Variants in PCDHGA4 observed in about 807,000 individuals in gnomAD.
The protein encoded by PCDHGA4 is protocadherin gamma-A4.
PCDHGA4 carries 38 observed loss-of-function variants against 54.6 expected under a neutral mutation model. The observed-to-expected ratio is 0.70, with a 90% CI of 0.54 to 0.91. PCDHGA4 has a LOEUF of 0.91. Among genes scored for constraint, PCDHGA4 ranks in the 40% least tolerant of loss-of-function variants. The pLI is 0.00. For synonymous variants in PCDHGA4, 511 were observed against 512.9 expected, an observed-to-expected ratio of 1.00 and a Z score of 0.05; for missense variants, 1,298 against 1,220.9, an observed-to-expected ratio of 1.06 and a Z score of -0.94.
At chr5:141,417,452 C>A in intron 1 of PCDHGA4, 1 of 173,536 alleles carries the variant, frequency 5.8e-6, no homozygotes, top group Non-Finnish European at 1.2e-5. Flanking sequence ...ATAGTTATGA[C>A]CAAGTGGAAA....
intron 1 of PCDHGA4, among the ~76,000 whole-genome samples, chr5:141,467,304 C>T (rs567912553): frequency 2.0e-5 from 3 of 152,266 alleles, no homozygotes; most frequent in Admixed American, 6.5e-5. Flanking sequence ...CCACTCACCT[C>T]GGCCTCCCAC....
intron 1 of PCDHGA4, chr5:141,413,395 G>C: frequency 6.2e-7 from 1 of 1,614,050 alleles, no homozygotes; most frequent in Non-Finnish European, 8.5e-7. Context: ...AGTCTCCAGA[G>C]GTAGGACGCA....
At chr5:141,492,448 G>T (rs2734874) in intron 1 of PCDHGA4, among the ~76,000 whole-genome samples, 50 of 152,334 alleles carry the variant, frequency 3.3e-4, no homozygotes, top group African/African-American at 1.2e-3. Context: ...GTAGCTGATT[G>T]TGCGCGCCTG....
chr5:141,357,613 A>G lies in PCDHGA4; in HGVS notation c.2506A>G (p.Asn836Asp). The change falls in exon 1 of 4, where the codon AAT becomes GAT. Residue 836 changes from asparagine to aspartate, a missense_variant. Coordinates refer to ENST00000571252, the MANE Select transcript of PCDHGA4 (RefSeq NM_018917.4). ...TTTACTTGAAACAAAAGGAGACCCTAATCTTCAGGTGAGTCAATCTTATAA... is the reference window on the plus strand; with the variant it reads ...TTTACTTGAAACAAAAGGAGACCCTGATCTTCAGGTGAGTCAATCTTATAA... ...QDLLETKGDPNLQQAPPNTDW... is the reference protein window; with the variant it reads ...QDLLETKGDPDLQQAPPNTDW... 6.2e-7 allele frequency: 1 copy of G among 1,613,940 alleles called. No homozygotes were observed. The highest frequency in any genetic ancestry group is 8.5e-7 in the Non-Finnish European group (1 of 1,179,858).
At chr5:141,400,189 C>G (rs376855933) in intron 1 of PCDHGA4, 2 of 1,614,056 alleles carry the variant, frequency 1.2e-6, no homozygotes, top group Non-Finnish European at 1.7e-6. Flanking sequence ...GCAGTTTTAC[C>G]TAGTGGTGGC....
chr5:141,478,617 G>A (rs1010415342), intron 1 of PCDHGA4: 1 of 1,556,398 alleles, frequency 6.4e-7, no homozygotes, highest in Non-Finnish European at 8.7e-7. Context: ...AGGAAGGAAT[G>A]GAGCTGTTTT....
In PCDHGA4 at chr5:141,360,072, C is replaced by A; in HGVS notation, c.2514+2451C>A. ...AAAAGCAGGAAAAGTGACCTTAGCC[C>A]GGATTCTGCCATCCCCGGAAGGCTT... On this transcript the variant is annotated intron_variant, in intron 1 of 3. Coordinates refer to ENST00000571252, the MANE Select transcript of PCDHGA4 (RefSeq NM_018917.4). 4.8e-6 allele frequency: 7 copies of A among 1,473,480 alleles called. No homozygotes were observed. In the South Asian group the frequency reaches 1.0e-4, roughly 21 times the overall value. 91.3% of individuals were successfully genotyped at this position (1,473,480 alleles called of 1,614,324 possible). A position where few individuals can be genotyped will look rare whatever the true frequency, so the allele number is the denominator to read the frequency against.
chr5:141,393,088 G>C (rs760420305), intron 1 of PCDHGA4: 4 of 1,613,648 alleles, frequency 2.5e-6, no homozygotes, highest in South Asian at 1.1e-5. Context: ...AGGATAGATC[G>C]GGAGGAGCTC....
In PCDHGA4 at chr5:141,355,391, T is replaced by C. The variant is rs537544095; in HGVS notation, c.284T>C (p.Val95Ala). ...LAPRELAERG[V>A]RIVSRGRTQL... The stretch of plus-strand genomic sequence containing the variant: ...CCCCGGGAGCTGGCGGAGCGCGGAG[T>C]CCGCATCGTCTCCAGAGGTAGGACG... The change falls in exon 1 of 4, where the codon GTC (valine) becomes GCC (alanine). Residue 95 changes from valine (V) to alanine (A), a missense_variant. Physicochemically the swap from Val to Ala is moderately conservative, Grantham distance 64. Coordinates refer to ENST00000571252, the MANE Select transcript of PCDHGA4 (RefSeq NM_018917.4). 4 of 1,613,888 alleles carry C rather than the reference T, an allele frequency of 2.5e-6. No individual in the cohort carries two copies. In the Admixed American group the frequency reaches 6.7e-5, roughly 27 times the overall value.
intron 1 of PCDHGA4, among the ~76,000 whole-genome samples, chr5:141,460,703 G>A (rs1009662968): frequency 6.6e-6 from 1 of 151,534 alleles, no homozygotes; most frequent in Non-Finnish European, 1.5e-5. Flanking sequence ...AGTTGAATGA[G>A]AATAAACTAT....
Position 141,355,123 on chromosome 5 carries a change from G to A in PCDHGA4, c.16G>A (p.Asp6Asn), listed in dbSNP as rs1759719890. The change falls in exon 1 of 4, where the codon GAC becomes AAC. Residue 6 changes from aspartate (D) to asparagine (N), a missense_variant. Transcript: ENST00000571252. ...CTGGCTGTGAATGCACTTTATTTTG[G>A]ACCCAGAAGATCCTGGGGCTCCTCA... MHFIL[D>N]PEDPGAPQAS... 1 of 1,515,214 alleles carries A rather than the reference G, an allele frequency of 6.6e-7. No individual in the cohort carries two copies. The highest frequency in any genetic ancestry group is 1.4e-5 in the African/African-American group (1 of 71,696). The allele number at this position is 1,515,214 out of a possible 1,614,324, so 93.9% of individuals were successfully genotyped here. A position where few individuals can be genotyped will look rare whatever the true frequency, so the allele number is the denominator to read the frequency against.
chr5:141,389,118 C>A (rs2091610213), intron 1 of PCDHGA4: 1 of 1,613,888 alleles, frequency 6.2e-7, no homozygotes, highest in Admixed American at 1.7e-5. Context: ...AGACCGCGAG[C>A]AGAATCCAGA....
intron 1 of PCDHGA4, chr5:141,364,513 G>A (rs1027493241): frequency 3.1e-6 from 5 of 1,613,934 alleles, no homozygotes; most frequent in South Asian, 1.1e-5. Context: ...AGCTGGCGGA[G>A]CGCGGAGTCC....
intron 1 of PCDHGA4, chr5:141,419,344 C>T (rs2096363174): frequency 1.9e-6 from 3 of 1,613,732 alleles, no homozygotes; most frequent in Non-Finnish European, 2.5e-6. Flanking sequence ...TTGCCAGCGA[C>T]CTGGAGTCAC....
intron 1 of PCDHGA4, chr5:141,374,345 G>A (rs1221134827): frequency 8.1e-6 from 13 of 1,614,018 alleles, no homozygotes; most frequent in Non-Finnish European, 1.1e-5. Flanking sequence ...GGTCACCGCG[G>A]GTAGGATAGA....
intron 1 of PCDHGA4, among the ~76,000 whole-genome samples, chr5:141,483,875 AT>A (rs2154580008): frequency 6.6e-6 from 1 of 151,964 alleles, no homozygotes; most frequent in Admixed American, 6.6e-5. Context: ...ATCAGGATGG[AT>A]TTTTCTATTT....
intron 1 of PCDHGA4, among the ~76,000 whole-genome samples, chr5:141,453,288 ATTAT>A (rs577328880): frequency 4.0e-5 from 6 of 151,342 alleles, no homozygotes; most frequent in Admixed American, 1.3e-4. Context: ...TAATTTTTTA[ATTAT>A]TTATTTATTT....
chr5:141,430,761 T>G, intron 1 of PCDHGA4: 5 of 1,506,132 alleles, frequency 3.3e-6, no homozygotes, highest in Non-Finnish European at 3.5e-6. Context: ...AAGATAAGAA[T>G]GATTCCTGCG....
At chr5:141,494,514 G>T (rs1457018569) in intron 1 of PCDHGA4, among the ~76,000 whole-genome samples, 2 of 152,160 alleles carry the variant, frequency 1.3e-5, no homozygotes, top group South Asian at 2.1e-4. Context: ...TTTTGGCTCA[G>T]GAGTTCTGAC....
Sources: allele counts gnomAD v4.1 joint callset (sites outside exome capture counted in the v4.1 genomes callset), GRCh38; gene constraint gnomAD v4.1.1; transcripts MANE v1.5; gene names NCBI Gene and HGNC (gene_info 2026-07-23, HGNC 2026-07-21).